The following KRT83 variants were observed in gnomAD, a reference collection of about 807,000 sequenced individuals.
KRT83 encodes keratin, type II cuticular Hb3.
In KRT83, 51 loss-of-function variants were observed where a neutral mutation model predicts 52.9. That is an observed-to-expected ratio of 0.96 (90% CI 0.77 to 1.22). The LOEUF is 1.22. Among genes scored for constraint, KRT83 ranks in the 50% most tolerant of loss-of-function variants. The pLI, the probability that KRT83 is intolerant of heterozygous loss-of-function variation, is 0.00. For synonymous variants in KRT83, 278 were observed against 274.1 expected (o/e 1.01, Z -0.14); for missense variants, 654 against 666.5 (o/e 0.98, Z 0.21).
At position 52,321,233 on chromosome 12, in the gene KRT83, C is replaced by G. The variant is rs1194656235; in HGVS notation, c.103G>C (p.Ala35Pro). Residue 35 changes from alanine (A) to proline (P), a missense_variant, in exon 1 of 9, where the codon GCC (alanine) becomes CCC (proline). By Grantham distance (27) the Ala-to-Pro change is conservative (BLOSUM62 -1). Transcript: ENST00000293670. The stretch of plus-strand genomic sequence containing the variant: ...TAGCAGGAGATGCCGCGGTAGGGGG[C>G]GGCGGTGATGCAGCAGCGGCTTGGC... The part of the protein sequence containing the change: ...PRPSRCCITA[A>P]PYRGISCYRG... The G allele has an allele frequency of 6.2e-7, 1 of 1,613,508 alleles. No homozygotes were observed. The highest frequency in any genetic ancestry group is 8.5e-7 in the Non-Finnish European group (1 of 1,179,882).
rs749798524 is a variant in KRT83, at chr12:52,315,988, G to A, written c.1167C>T (p.Cys389=). Residue 389 remains cysteine (C), a synonymous_variant, in exon 7 of 9, where the codon TGC becomes TGT. Coordinates refer to ENST00000293670, the MANE Select transcript of KRT83 (RefSeq NM_002282.3). The part of the protein sequence containing the change: ...ALQKAKQDMA[C]LIREYQEVMN... ...TCACCTCCTGGTACTCCCTGATCAG[G>A]CAGGCCATGTCTTGCTTGGCCTTCT... 6.2e-7 allele frequency: 1 copy of A among 1,613,242 alleles called. No individual in the cohort carries two copies. Among genetic ancestry groups the A allele is most frequent in the Admixed American group, 1.7e-5 (1 of 60,024 alleles).
chr12:52,315,921 T>C lies in KRT83; in HGVS notation c.1234A>G (p.Arg412Gly). ...LGLDIEIATY[R>G]RLLEGEEQRL... ...TGCTCCTCGCCCTCCAGCAGGCGCC[T>C]GTAGGTGGCGATCTCGATATCCAGG... The change falls in exon 7 of 9, where the codon AGG becomes GGG. Residue 412 changes from arginine (R) to glycine (G), a missense_variant. Arg to Gly is a moderately radical substitution (Grantham distance 125). Coordinates refer to ENST00000293670, the MANE Select transcript of KRT83 (RefSeq NM_002282.3). The C allele has an allele frequency of 1.2e-6, 2 of 1,612,712 alleles. No individual in the cohort carries two copies. The highest frequency in any genetic ancestry group is 8.5e-7 in the Non-Finnish European group (1 of 1,179,870).
rs780705567 is a variant in KRT83, at chr12:52,321,275, A to AGAC, written c.58_60dup (p.Val20dup). ...CGGCTTGGCCGGGGCCCGCAGGCAG[A>AGAC]GACACAGCTGAAGTTTCCAGGGCGG... On this transcript the variant is annotated inframe_insertion, in exon 1 of 9. Transcript: ENST00000293670. The AGAC allele has an allele frequency of 6.2e-7, 1 of 1,613,610 alleles. No homozygotes were observed. Among genetic ancestry groups the AGAC allele is most frequent in the Admixed American group, 1.7e-5 (1 of 60,034 alleles).
intron 1 of KRT83, among the ~76,000 whole-genome samples, chr12:52,320,275 G>A (rs1187529697): frequency 1.3e-5 from 2 of 152,168 alleles, no homozygotes; most frequent in Non-Finnish European, 2.9e-5. Flanking sequence ...CCTAGTCAGA[G>A]CCTTTTCTCC....
chr12:52,317,864 G>C, intron 3 of KRT83, 46 bp downstream of exon 3: 3 of 1,611,712 alleles, frequency 1.9e-6, no homozygotes, highest in South Asian at 2.2e-5. Flanking sequence ...AAGAGGATGG[G>C]TGGCGGGACT....
At chr12:52,317,599 G>T in intron 4 of KRT83, 82 bp downstream of exon 4, 2 of 1,467,690 alleles carry the variant, frequency 1.4e-6, no homozygotes, top group Non-Finnish European at 9.5e-7. Flanking sequence ...CAGCAGGCCT[G>T]GTTCATGCCT....
In KRT83 at chr12:52,321,041, C is replaced by T. The variant is rs565969399; in HGVS notation, c.295G>A (p.Glu99Lys). Reference sequence around the variant, plus strand: ...ACGCACTGCGCGTTGGGGTCTATCTCCAGGTTGAGGGGCGTGAGGAGGCTC... The same window carrying T: ...ACGCACTGCGCGTTGGGGTCTATCTTCAGGTTGAGGGGCGTGAGGAGGCTC... ...NESLLTPLNL[E>K]IDPNAQCVKQ... The change falls in exon 1 of 9, where the codon GAG (glutamate) becomes AAG (lysine). Residue 99 changes from glutamate to lysine, a missense_variant. By Grantham distance (56) the Glu-to-Lys change is moderately conservative (BLOSUM62 1). Transcript: ENST00000293670. 166 of 1,612,880 alleles carry T rather than the reference C, an allele frequency of 1.0e-4. 2 individuals carry two copies. In the South Asian group the frequency reaches 1.6e-3, roughly 16 times the overall value.
chr12:52,316,143 A>G (rs748592092), intron 6 of KRT83, 30 bp from the exon 7 acceptor site: 26 of 1,612,194 alleles, frequency 1.6e-5, no homozygotes, highest in Non-Finnish European at 2.2e-5. Context: ...TGGAGAGGAT[A>G]AAGTGAAGTT....
intron 4 of KRT83, 141 bp downstream of exon 4, chr12:52,317,540 T>C: frequency 9.8e-7 from 1 of 1,018,126 alleles, no homozygotes; most frequent in Non-Finnish European, 1.5e-6. Flanking sequence ...GTTCCTTCCC[T>C]CTCCTTGCTC....
Position 52,319,275 on chromosome 12 carries a change from G to A in KRT83, c.474C>T (p.Pro158=). The part of the protein sequence containing the change: ...NRECCQSNLE[P]LFAGYIETLR... ...GAGTCTCGATGTAGCCAGCAAACAGGGGCTCCAGGTTACTCTGGCAGCACT... is the reference window on the plus strand; with the variant it reads ...GAGTCTCGATGTAGCCAGCAAACAGAGGCTCCAGGTTACTCTGGCAGCACT... The change falls in exon 2 of 9, where the codon CCC becomes CCT. Residue 158 remains proline, a synonymous_variant. Transcript: ENST00000293670. The A allele has an allele frequency of 2.5e-6, 4 of 1,614,014 alleles. No individual in the cohort carries two copies. The highest frequency in any genetic ancestry group is 3.4e-6 in the Non-Finnish European group (4 of 1,179,946).
chr12:52,316,377 G>A, intron 6 of KRT83, 91 bp downstream of exon 6: 2 of 1,580,122 alleles, frequency 1.3e-6, no homozygotes, highest in Non-Finnish European at 8.7e-7. Flanking sequence ...GACTGCACTG[G>A]GAAGACTTTT....
chr12:52,314,970 C>A, intron 8 of KRT83, 152 bp from the exon 9 acceptor site: 1 of 822,400 alleles, frequency 1.2e-6, no homozygotes, highest in Non-Finnish European at 2.0e-6. Flanking sequence ...GCCTGGGAGC[C>A]AGCAGACCGG....
chr12:52,318,606 T>A (rs909181306), intron 2 of KRT83, among the ~76,000 whole-genome samples: 1 of 152,134 alleles, frequency 6.6e-6, no homozygotes, highest in Non-Finnish European at 1.5e-5. Context: ...GAGAGAATGT[T>A]ACTGAAGGAA....
In KRT83 at chr12:52,319,297, C is replaced by T. The variant is rs201680950; in HGVS notation, c.452G>A (p.Cys151Tyr). The T allele has an allele frequency of 1.4e-4, 225 of 1,613,974 alleles. 2 individuals carry two copies. Among genetic ancestry groups the T allele is most frequent in the Non-Finnish European group, 3.2e-5 (38 of 1,179,954 alleles). The change falls in exon 2 of 9, where the codon TGC becomes TAC. Residue 151 changes from cysteine to tyrosine, a missense_variant. By Grantham distance (194) the Cys-to-Tyr change is radical (BLOSUM62 -2). Transcript: ENST00000293670. ...CAGGGGCTCCAGGTTACTCTGGCAG[C>T]ACTCGCGGTTTTGGTAGAACTGCAG... ...TKLQFYQNRE[C>Y]CQSNLEPLFA...
intron 1 of KRT83, among the ~76,000 whole-genome samples, chr12:52,320,518 A>G (rs535609870): frequency 6.6e-6 from 1 of 152,318 alleles, no homozygotes; most frequent in East Asian, 1.9e-4. Flanking sequence ...CTCAGTGGCC[A>G]AATCACTGTG....
In KRT83 at chr12:52,321,144, G is replaced by C; in HGVS notation, c.192C>G (p.Cys64Trp). The change falls in exon 1 of 9, where the codon TGC becomes TGG. Residue 64 changes from cysteine (C) to tryptophan (W), a missense_variant. Cys to Trp is a radical substitution (Grantham distance 215). Coordinates refer to ENST00000293670, the MANE Select transcript of KRT83 (RefSeq NM_002282.3). ...SVCGGFRAGS[C>W]GRSFGYRSGG... ...CGGAGCGGTAGCCGAAGCTGCGTCC[G>C]CAGGAGCCGGCGCGGAAGCCCCCGC... The C allele has an allele frequency of 6.2e-7, 1 of 1,612,274 alleles. No homozygotes were observed. Among genetic ancestry groups the C allele is most frequent in the South Asian group, 1.1e-5 (1 of 90,974 alleles).
At chr12:52,315,773 G>T in intron 7 of KRT83, 120 bp downstream of exon 7, 1 of 1,343,352 alleles carries the variant, frequency 7.4e-7, no homozygotes, top group Non-Finnish European at 1.1e-6. Context: ...ACAACTTGAA[G>T]ATATGGATCT....
chr12:52,317,218 T>C (rs1306045385), intron 4 of KRT83, among the ~76,000 whole-genome samples, 195 bp from the exon 5 acceptor site: 1 of 152,222 alleles, frequency 6.6e-6, no homozygotes, highest in African/African-American at 2.4e-5. Context: ...AACTGCTTGC[T>C]TTTGGAATTA....
intron 4 of KRT83, 29 bp downstream of exon 4, chr12:52,317,652 T>C (rs1938707535): frequency 6.2e-7 from 1 of 1,607,788 alleles, no homozygotes; most frequent in Admixed American, 1.7e-5. Context: ...TGGGGGGATC[T>C]GTGCCCACCA....
Sources: gnomAD v4.1 joint callset for allele counts (sites outside exome capture counted in the v4.1 genomes callset) on GRCh38, gnomAD v4.1.1 for gene constraint, MANE v1.5 for transcripts, NCBI Gene and HGNC (gene_info 2026-07-23, HGNC 2026-07-21) for gene names.